The following MAP4 variants were observed in gnomAD, a reference collection of about 807,000 sequenced individuals.
MAP4 encodes microtubule associated protein 4.
In MAP4, 76 loss-of-function variants were observed where a neutral mutation model predicts 170.2. That is an observed-to-expected ratio of 0.45 (90% CI 0.37 to 0.54). MAP4 has a LOEUF of 0.54. Among genes scored for constraint, MAP4 ranks in the 20% least tolerant of loss-of-function variants. MAP4 has a pLI of 0.00. For missense variants in MAP4, 2,506 were observed against 2,748.0 expected, an observed-to-expected ratio of 0.91 and a Z score of 1.97; for synonymous variants, 909 against 994.5, an observed-to-expected ratio of 0.91 and a Z score of 1.62.
At chr3:47,990,020 T>C (rs1321910067) in intron 2 of MAP4, among the ~76,000 whole-genome samples, 1 of 152,200 alleles carries the variant, frequency 6.6e-6, no homozygotes, top group Non-Finnish European at 1.5e-5. Flanking sequence ...CAAATCAGCT[T>C]GGCAGAGAAG....
chr3:47,908,893 G>A (rs756491654), intron 9 of MAP4, 145 bp downstream of exon 9: 66 of 856,080 alleles, frequency 7.7e-5, no homozygotes, highest in Admixed American at 1.9e-4. Flanking sequence ...AAAACACACC[G>A]TAGCAGTTAT....
intron 17 of MAP4, among the ~76,000 whole-genome samples, chr3:47,860,923 C>T (rs2064543387): frequency 6.6e-6 from 1 of 152,060 alleles, no homozygotes; most frequent in Non-Finnish European, 1.5e-5. Flanking sequence ...AAGGAAATTA[C>T]CAGTAAAAAA....
At chr3:48,078,839 C>T (rs2100145157) in intron 1 of MAP4, among the ~76,000 whole-genome samples, 1 of 152,094 alleles carries the variant, frequency 6.6e-6, no homozygotes, top group Non-Finnish European at 1.5e-5. Flanking sequence ...GTGGGCTAAC[C>T]CAAGTGAATT....
Position 47,953,232 on chromosome 3 carries a change from A to C in MAP4, c.292+24633T>G, listed in dbSNP as rs745609685. On this transcript the variant is annotated intron_variant, in intron 3 of 20. Transcript: ENST00000683076. ...GGACTTTAAAAACTTACAAAAAAAA[A>C]CACAAAACAACAACAAAAGGACTGG... 3.0e-4 allele frequency among the ~76,000 whole-genome samples: 46 copies of C among 152,236 alleles called. 1 individual carries two copies. Among genetic ancestry groups the C allele is most frequent in the South Asian group, 1.7e-3 (8 of 4,828 alleles).
At chr3:47,941,100 A>C (rs2100056009) in intron 3 of MAP4, among the ~76,000 whole-genome samples, 1 of 151,642 alleles carries the variant, frequency 6.6e-6, no homozygotes, top group South Asian at 2.1e-4. Context: ...GCTGGTCTCA[A>C]ACTCCTGATC....
intron 3 of MAP4, among the ~76,000 whole-genome samples, chr3:47,939,518 C>T (rs1197464128): frequency 6.6e-6 from 1 of 152,016 alleles, no homozygotes; most frequent in Non-Finnish European, 1.5e-5. Flanking sequence ...TCACATTATA[C>T]ACCAAACTTC....
At chr3:47,982,901 C>A (rs997703548) in intron 2 of MAP4, among the ~76,000 whole-genome samples, 5 of 151,756 alleles carry the variant, frequency 3.3e-5, no homozygotes, top group African/African-American at 4.8e-5. Context: ...AGGGAGTTTT[C>A]TTTGTTTTTT....
chr3:47,927,685 G>C (rs1467450015), intron 4 of MAP4, among the ~76,000 whole-genome samples: 1 of 152,144 alleles, frequency 6.6e-6, no homozygotes, highest in East Asian at 1.9e-4. Flanking sequence ...ATGTTGGTCA[G>C]GCTTGTCTCG....
chr3:47,888,470 C>A lies in MAP4; in HGVS notation c.5435-10947G>T, dbSNP rs190727743. ...ACCGGGAGGAACGAACAACTCCAGACGCGCTGCCTTAAGAGCTGTAACACT... is the reference window on the plus strand; with the variant it reads ...ACCGGGAGGAACGAACAACTCCAGAAGCGCTGCCTTAAGAGCTGTAACACT... On this transcript the variant is annotated intron_variant, in intron 10 of 20. Coordinates refer to ENST00000683076, the MANE Select transcript of MAP4 (RefSeq NM_001385682.1). Among the ~76,000 whole-genome samples, 311 of 152,138 alleles carry A rather than the reference C, an allele frequency of 2.0e-3. 1 individual carries two copies. Among genetic ancestry groups the A allele is most frequent in the African/African-American group, 7.1e-3 (293 of 41,500 alleles).
chr3:47,870,025 T>A, intron 15 of MAP4, among the ~76,000 whole-genome samples: 1 of 152,150 alleles, frequency 6.6e-6, no homozygotes, highest in East Asian at 1.9e-4. Context: ...CTGAATTTCT[T>A]AACAGCTCCA....
At chr3:47,906,086 A>C (rs1046248344) in intron 9 of MAP4, among the ~76,000 whole-genome samples, 3 of 144,434 alleles carry the variant, frequency 2.1e-5, no homozygotes, top group Non-Finnish European at 3.0e-5. Context: ...CACATAACCA[A>C]AAAAAAAAAA....
At position 47,871,942 on chromosome 3, in the gene MAP4, G is replaced by A. The variant is rs1243435300; in HGVS notation, c.5916C>T (p.Ser1972=). 6.2e-7 allele frequency: 1 copy of A among 1,612,940 alleles called. No homozygotes were observed. The highest frequency in any genetic ancestry group is 8.5e-7 in the Non-Finnish European group (1 of 1,179,220). The change falls in exon 13 of 21, where the codon TCC becomes TCT. Residue 1972 remains serine, a synonymous_variant. Coordinates refer to ENST00000683076, the MANE Select transcript of MAP4 (RefSeq NM_001385682.1). ...ASTGPSSRSP[S]TLLPKKPTAI... ...CAGTGGGCTTCTTGGGCAGGAGCGT[G>A]GAGGGGCTCCTACTGCTTGGGCCAG...
intron 10 of MAP4, among the ~76,000 whole-genome samples, chr3:47,884,979 A>C (rs1470450744): frequency 6.6e-6 from 1 of 152,108 alleles, no homozygotes. Context: ...GGAGTGGACA[A>C]CAGGAAGGCC....
At position 47,916,039 on chromosome 3, in the gene MAP4, T is replaced by G. The variant is rs1379468456; in HGVS notation, c.1788A>C (p.Gln596His). The stretch of plus-strand genomic sequence containing the variant: ...AATCCTCACTTATTCCTTTTTGTGT[T>G]TGTGCAATTTCCATGTCTTTAATTG... ...PVPIKDMEIA[Q>H]TQKGISEDSH... is the part of the protein sequence containing the mutation. The change falls in exon 7 of 21, where the codon CAA (glutamine) becomes CAC (histidine). Residue 596 changes from glutamine (Q) to histidine (H), a missense_variant. Physicochemically the swap from Gln to His is conservative, Grantham distance 24. Transcript: ENST00000683076. The G allele has an allele frequency of 3.7e-6, 6 of 1,614,132 alleles. No individual in the cohort carries two copies. Among genetic ancestry groups the G allele is most frequent in the Non-Finnish European group, 4.2e-6 (5 of 1,180,056 alleles).
At chr3:47,885,914 G>C (rs1421147648) in intron 10 of MAP4, among the ~76,000 whole-genome samples, 1 of 152,114 alleles carries the variant, frequency 6.6e-6, no homozygotes, top group East Asian at 1.9e-4. Flanking sequence ...ATTTTTAGTA[G>C]AGTTGGGGTT....
intron 3 of MAP4, among the ~76,000 whole-genome samples, chr3:47,957,928 A>G (rs2100068828): frequency 6.6e-6 from 1 of 152,184 alleles, no homozygotes; most frequent in Non-Finnish European, 1.5e-5. Flanking sequence ...CAATCACTGA[A>G]TTTTTGCTTT....
At chr3:47,897,709 C>T (rs1462418897) in intron 10 of MAP4, among the ~76,000 whole-genome samples, 4 of 151,696 alleles carry the variant, frequency 2.6e-5, no homozygotes, top group Admixed American at 6.6e-5. Context: ...GAGGTCGAGG[C>T]GGGCGGATCA....
rs1426313076 is a variant in MAP4 at position 47,850,781 on chromosome 3, A to G, written c.*2153T>C. 2 of 152,690 alleles carry G rather than the reference A, an allele frequency of 1.3e-5. No homozygotes were observed. The highest frequency in any genetic ancestry group is 2.9e-5 in the Non-Finnish European group (2 of 68,426). The allele number at this position is 152,690 out of a possible 1,614,324, so 9.5% of individuals were successfully genotyped here. A position where few individuals can be genotyped will look rare whatever the true frequency, so the allele number is the denominator to read the frequency against. ...CTGACACAGGTAATGGCTGAGCCATAAGCAAATCGAGAAGTACAGAAATGT... is the reference window on the plus strand; with the variant it reads ...CTGACACAGGTAATGGCTGAGCCATGAGCAAATCGAGAAGTACAGAAATGT... On this transcript the variant is annotated 3_prime_UTR_variant, in exon 21 of 21. Coordinates refer to ENST00000683076, the MANE Select transcript of MAP4 (RefSeq NM_001385682.1).
chr3:47,904,980 G>T (rs750714322), intron 9 of MAP4, among the ~76,000 whole-genome samples: 2 of 152,004 alleles, frequency 1.3e-5, no homozygotes, highest in African/African-American at 2.4e-5. Context: ...AACACCATTT[G>T]TAATATCTTT....
Sources: allele counts gnomAD v4.1 joint callset (sites outside exome capture counted in the v4.1 genomes callset), GRCh38; gene constraint gnomAD v4.1.1; transcripts MANE v1.5; gene names NCBI Gene and HGNC (gene_info 2026-07-23, HGNC 2026-07-21).